Variants in BBS9 observed in about 807,000 individuals in gnomAD.
BBS9 encodes protein PTHB1.
Under a neutral mutation model 117.7 loss-of-function variants are expected in BBS9, and 89 were observed. The ratio of observed to expected loss-of-function variants is 0.76; its 90% CI spans 0.64 to 0.90. The LOEUF (loss-of-function observed/expected upper bound fraction) is 0.90, where lower values mean the gene tolerates loss of function less well. Ranked by LOEUF, BBS9 falls within the 40% of genes least tolerant of loss-of-function variation. The probability of loss-of-function intolerance (pLI) is 0.00; values close to 1 mark genes in which losing one functional copy is unlikely to be tolerated. For missense variants in BBS9, 982 were observed against 1,042.2 expected, an observed-to-expected ratio of 0.94 and a Z score of 0.80; for synonymous variants, 379 against 370.9, an observed-to-expected ratio of 1.02 and a Z score of -0.25.
chr7:33,235,283 A>G (rs140034678), intron 5 of BBS9, among the ~76,000 whole-genome samples: 182 of 152,256 alleles, frequency 1.2e-3, no homozygotes, highest in African/African-American at 4.1e-3. Flanking sequence ...TTGAAAGTCC[A>G]CCTGACATAG....
rs545711685 is a variant in BBS9, at chr7:33,416,038, T to C, written c.2115+27894T>C. ...TTGTAGAGTTGGGGTTTTGCCGTGT[T>C]GCCCAGGCTGGTCTCAAATTCCTGG... On this transcript the variant is annotated intron_variant, in intron 19 of 22. Coordinates refer to ENST00000242067, the MANE Select transcript of BBS9 (RefSeq NM_198428.3). Among the ~76,000 whole-genome samples the C allele has an allele frequency of 5.3e-5, 8 of 152,196 alleles. No homozygotes were observed. The South Asian group carries it at 1.7e-3, about 32-fold the overall frequency.
chr7:33,441,505 A>G (rs1192719255), intron 19 of BBS9, among the ~76,000 whole-genome samples: 1 of 152,198 alleles, frequency 6.6e-6, no homozygotes, highest in Non-Finnish European at 1.5e-5. Flanking sequence ...TTAATTCATC[A>G]TTTAATGATA....
chr7:33,600,020 G>A (rs1015978908), intron 21 of BBS9, among the ~76,000 whole-genome samples: 1 of 152,146 alleles, frequency 6.6e-6, no homozygotes, highest in African/African-American at 2.4e-5. Flanking sequence ...AGCCCATTTT[G>A]TTGCCACAAG....
intron 15 of BBS9, 117 bp from the exon 16 acceptor site, chr7:33,357,738 A>C: frequency 2.9e-6 from 3 of 1,044,534 alleles, no homozygotes; most frequent in Non-Finnish European, 4.5e-6. Context: ...GTTAAGCAAA[A>C]TAGGCAGGCA....
intron 4 of BBS9, among the ~76,000 whole-genome samples, chr7:33,167,609 C>T (rs755273428): frequency 2.0e-5 from 3 of 151,964 alleles, no homozygotes; most frequent in Non-Finnish European, 2.9e-5. Flanking sequence ...CTGTGTTGGC[C>T]AGGCTGTTCT....
At chr7:33,374,251 T>A (rs1823392194) in intron 17 of BBS9, among the ~76,000 whole-genome samples, 1 of 152,150 alleles carries the variant, frequency 6.6e-6, no homozygotes, top group Non-Finnish European at 1.5e-5. Flanking sequence ...AAGTATATCC[T>A]GATGCTTGAT....
At chr7:33,590,230 G>A (rs1272349509) in intron 21 of BBS9, among the ~76,000 whole-genome samples, 2 of 152,058 alleles carry the variant, frequency 1.3e-5, no homozygotes, top group Non-Finnish European at 2.9e-5. Flanking sequence ...AAGGAAAAAA[G>A]AAGAGTTGTA....
At chr7:33,582,817 C>T (rs978644559) in intron 21 of BBS9, among the ~76,000 whole-genome samples, 2 of 152,128 alleles carry the variant, frequency 1.3e-5, no homozygotes, top group Admixed American at 1.3e-4. Context: ...TTCCCATCCT[C>T]ATACTTTCTT....
intron 21 of BBS9, among the ~76,000 whole-genome samples, chr7:33,631,083 G>C (rs2129229343): frequency 6.6e-6 from 1 of 152,276 alleles, no homozygotes; most frequent in East Asian, 1.9e-4. Flanking sequence ...TTTTTTGTTG[G>C]AAAGTGGGGA....
intron 21 of BBS9, among the ~76,000 whole-genome samples, chr7:33,562,670 A>G (rs1161161746): frequency 6.6e-6 from 1 of 152,220 alleles, no homozygotes; most frequent in East Asian, 1.9e-4. Context: ...TCATGCCTAT[A>G]ATCCCAGCAC....
intron 1 of BBS9, among the ~76,000 whole-genome samples, chr7:33,131,208 AC>A (rs1160590428): frequency 1.3e-5 from 2 of 152,092 alleles, no homozygotes; most frequent in Non-Finnish European, 2.9e-5. Context: ...TACCACTACT[AC>A]CACTGTCTCT....
intron 1 of BBS9, among the ~76,000 whole-genome samples, chr7:33,144,293 A>T (rs1248419017): frequency 6.6e-6 from 1 of 152,214 alleles, no homozygotes; most frequent in Non-Finnish European, 1.5e-5. Context: ...GCTCATGTGG[A>T]ATGCTTACTT....
chr7:33,342,508 C>T (rs980047843), intron 11 of BBS9, among the ~76,000 whole-genome samples: 1 of 152,084 alleles, frequency 6.6e-6, no homozygotes, highest in Non-Finnish European at 1.5e-5. Context: ...TAGGAAAATT[C>T]CTTATGTAGT....
intron 17 of BBS9, among the ~76,000 whole-genome samples, chr7:33,371,632 T>C (rs367783428): frequency 3.9e-5 from 6 of 152,230 alleles, no homozygotes; most frequent in African/African-American, 4.8e-5. Context: ...TAGGCCTTTG[T>C]AACTTCTCTG....
chr7:33,533,316 T>C (rs1363416963), intron 20 of BBS9, among the ~76,000 whole-genome samples: 1 of 152,180 alleles, frequency 6.6e-6, no homozygotes, highest in Non-Finnish European at 1.5e-5. Context: ...CCAACAAAAG[T>C]GGGGGCAATG....
At chr7:33,412,347 T>G (rs2128826273) in intron 19 of BBS9, among the ~76,000 whole-genome samples, 1 of 152,338 alleles carries the variant, frequency 6.6e-6, no homozygotes, top group East Asian at 1.9e-4. Context: ...GAGCCTGGTG[T>G]GATGCATTCT....
At chr7:33,303,521 CT>C (rs372213709) in intron 9 of BBS9, among the ~76,000 whole-genome samples, 2,998 of 87,098 alleles carry the variant, frequency 0.034, 245 homozygotes, top group African/African-American at 0.13. Context: ...AAATGATCCC[CT>C]CCCCCCGCCC....
chr7:33,331,108 A>G lies in BBS9; in HGVS notation c.1017-5333A>G, dbSNP rs117579244. Among the ~76,000 whole-genome samples, 76 of 152,362 alleles carry G rather than the reference A, an allele frequency of 5.0e-4. No individual in the cohort carries two copies. The East Asian group carries it at 0.014, about 28-fold the overall frequency. On this transcript the variant is annotated intron_variant, in intron 9 of 22. Transcript: ENST00000242067. The stretch of plus-strand genomic sequence containing the variant: ...GTTTCATTCCAGGGATGCAGGGATG[A>G]TTTAACATATATAAGTCAACAAATG...
chr7:33,409,568 A>C (rs1830727032), intron 19 of BBS9, among the ~76,000 whole-genome samples: 1 of 152,146 alleles, frequency 6.6e-6, no homozygotes, highest in African/African-American at 2.4e-5. Context: ...CTTGTAGTAT[A>C]GTTTGAACTT....
Sources: gnomAD v4.1 joint callset for allele counts (sites outside exome capture counted in the v4.1 genomes callset) on GRCh38, gnomAD v4.1.1 for gene constraint, MANE v1.5 for transcripts, NCBI Gene and HGNC (gene_info 2026-07-23, HGNC 2026-07-21) for gene names.